UBR1: variants seen among roughly 807,000 people sequenced by gnomAD.
The protein encoded by UBR1 is ubiquitin protein ligase E3 component n-recognin 1.
Under a neutral mutation model 242.1 loss-of-function variants are expected in UBR1, and 102 were observed. The observed-to-expected ratio is 0.42, with a 90% CI of 0.36 to 0.50. UBR1 has a LOEUF of 0.50. Ranked by LOEUF, UBR1 falls within the 20% of genes least tolerant of loss-of-function variation. The pLI, the probability that UBR1 is intolerant of heterozygous loss-of-function variation, is 0.01. For synonymous variants in UBR1, 675 were observed against 684.8 expected (o/e 0.99, Z 0.22); for missense variants, 1,772 against 2,101.8 (o/e 0.84, Z 3.07).
chr15:43,001,113 G>A (rs1385769481), intron 32 of UBR1, among the ~76,000 whole-genome samples: 5 of 150,702 alleles, frequency 3.3e-5, no homozygotes, highest in Admixed American at 6.6e-5. Context: ...GGATTCAGGC[G>A]TGAGGCACTG....
chr15:43,098,913 T>C (rs2034192984), intron 1 of UBR1, among the ~76,000 whole-genome samples: 1 of 152,196 alleles, frequency 6.6e-6, no homozygotes, highest in Non-Finnish European at 1.5e-5. Flanking sequence ...GAGTGTGTCC[T>C]TACTACACAA....
chr15:43,052,342 T>G (rs556037179), intron 12 of UBR1, among the ~76,000 whole-genome samples: 2 of 152,218 alleles, frequency 1.3e-5, no homozygotes, highest in Non-Finnish European at 2.9e-5. Context: ...ATTGAAGTTG[T>G]TCTGAATGGA....
At chr15:43,032,003 C>T (rs1361262410) in intron 20 of UBR1, among the ~76,000 whole-genome samples, 3 of 152,082 alleles carry the variant, frequency 2.0e-5, no homozygotes, top group Admixed American at 6.6e-5. Flanking sequence ...CACTGCACTC[C>T]GGCCTGGGCG....
chr15:43,068,961 GAAGC>G (rs1207617091), intron 5 of UBR1, among the ~76,000 whole-genome samples: 2 of 152,148 alleles, frequency 1.3e-5, no homozygotes, highest in African/African-American at 4.8e-5. Context: ...TCAGAACCTT[GAAGC>G]AAGCAATGAT....
chr15:43,034,456 T>C (rs1466903923), intron 19 of UBR1, among the ~76,000 whole-genome samples: 3 of 151,326 alleles, frequency 2.0e-5, no homozygotes, highest in Non-Finnish European at 4.4e-5. Flanking sequence ...AATTAATAAA[T>C]AAATAAAATA....
intron 9 of UBR1, 100 bp from the exon 10 acceptor site, chr15:43,058,529 C>T: frequency 1.3e-6 from 1 of 756,232 alleles, no homozygotes; most frequent in Non-Finnish European, 2.3e-6. Flanking sequence ...TATAAAATTA[C>T]TTCACATGCA....
chr15:42,968,533 GATTATT>G (rs112426585), intron 40 of UBR1, among the ~76,000 whole-genome samples: 8 of 151,202 alleles, frequency 5.3e-5, no homozygotes, highest in East Asian at 3.9e-4. Flanking sequence ...CTTCATAACT[GATTATT>G]ATTATTATTA....
chr15:43,058,564 G>A (rs774893019), intron 9 of UBR1, 135 bp from the exon 10 acceptor site: 4 of 614,034 alleles, frequency 6.5e-6, no homozygotes, highest in Non-Finnish European at 1.2e-5. Context: ...AGTATTTATT[G>A]TATTAATATT....
chr15:43,009,723 A>G (rs1436160192), intron 29 of UBR1, among the ~76,000 whole-genome samples: 2 of 152,252 alleles, frequency 1.3e-5, no homozygotes, highest in African/African-American at 4.8e-5. Context: ...CAGGTAATCT[A>G]GGCTCACAGT....
chr15:43,000,003 G>A (rs563519595), intron 32 of UBR1, among the ~76,000 whole-genome samples: 2 of 152,034 alleles, frequency 1.3e-5, no homozygotes, highest in Non-Finnish European at 2.9e-5. Flanking sequence ...AATGTACTAT[G>A]ACTGGTTATA....
At chr15:43,085,890 C>T in intron 2 of UBR1, 94 bp downstream of exon 2, 1 of 1,377,380 alleles carries the variant, frequency 7.3e-7, no homozygotes, top group Non-Finnish European at 9.7e-7. Context: ...CACTGCACTC[C>T]AGCCTGGGTC....
At chr15:43,053,962 A>G (rs573497879) in intron 12 of UBR1, among the ~76,000 whole-genome samples, 1 of 151,758 alleles carries the variant, frequency 6.6e-6, no homozygotes, top group Non-Finnish European at 1.5e-5. Context: ...GGCAATTTTT[A>G]AAAAATGGAG....
chr15:43,070,645 G>A (rs1480104144), intron 5 of UBR1, 150 bp downstream of exon 5: 17 of 1,218,544 alleles, frequency 1.4e-5, no homozygotes, highest in Middle Eastern at 2.3e-4. Context: ...TCATACAAAC[G>A]GACATTTTGA....
intron 35 of UBR1, among the ~76,000 whole-genome samples, chr15:42,985,228 C>T (rs2032440925): frequency 6.6e-6 from 1 of 151,370 alleles, no homozygotes; most frequent in African/African-American, 2.4e-5. Flanking sequence ...TGGACTGCTT[C>T]TTCTCATTTC....
chr15:43,042,331 A>G (rs1438645737), intron 15 of UBR1, among the ~76,000 whole-genome samples: 4 of 152,242 alleles, frequency 2.6e-5, no homozygotes, highest in Admixed American at 2.0e-4. Flanking sequence ...TATTCATACA[A>G]TGGAATATTA....
intron 40 of UBR1, among the ~76,000 whole-genome samples, chr15:42,969,118 AT>A (rs2032160538): frequency 6.6e-6 from 1 of 152,110 alleles, no homozygotes; most frequent in Non-Finnish European, 1.5e-5. Flanking sequence ...TGTTGAACTA[AT>A]TTACACTCCC....
At chr15:42,997,127 C>T (rs779989849) in intron 33 of UBR1, among the ~76,000 whole-genome samples, 19 of 152,120 alleles carry the variant, frequency 1.2e-4, no homozygotes, top group Non-Finnish European at 2.2e-4. Context: ...GCGTGAGCTC[C>T]GCCTCCTGCC....
chr15:43,064,880 T>C (rs539144165), intron 6 of UBR1, among the ~76,000 whole-genome samples: 1 of 152,268 alleles, frequency 6.6e-6, no homozygotes, highest in African/African-American at 2.4e-5. Flanking sequence ...CTATCTTACA[T>C]CTTTATCATC....
chr15:43,021,257 T>C lies in UBR1; in HGVS notation c.2940+18A>G. The C allele has an allele frequency of 6.2e-7, 1 of 1,605,266 alleles. No homozygotes were observed. The highest frequency in any genetic ancestry group is 8.5e-7 in the Non-Finnish European group (1 of 1,172,226). On this transcript the variant is annotated intron_variant, in intron 27 of 46. Coordinates refer to ENST00000290650, the MANE Select transcript of UBR1 (RefSeq NM_174916.3). ...AATATTTAAACCAAGATATGATCAC[T>C]TTACTTTTTTAGTTTACCTGAAGTA...
Sources: allele counts gnomAD v4.1 joint callset (sites outside exome capture counted in the v4.1 genomes callset), GRCh38; gene constraint gnomAD v4.1.1; transcripts MANE v1.5; gene names NCBI Gene and HGNC (gene_info 2026-07-23, HGNC 2026-07-21).